CA10: variants seen among roughly 807,000 people sequenced by gnomAD.
The protein encoded by CA10 is carbonic anhydrase 10 (inactive).
Under a neutral mutation model 44.2 loss-of-function variants are expected in CA10, and 14 were observed. That is an observed-to-expected ratio of 0.32 (90% CI 0.21 to 0.50). The LOEUF is 0.50. Among genes scored for constraint, CA10 ranks in the 20% least tolerant of loss-of-function variants. The pLI, the probability that CA10 is intolerant of heterozygous loss-of-function variation, is 0.99. For synonymous variants in CA10, 159 were observed against 141.6 expected, an observed-to-expected ratio of 1.12 and a Z score of -0.87; for missense variants, 350 against 409.7, an observed-to-expected ratio of 0.85 and a Z score of 1.26.
At chr17:51,829,510 C>T (rs902561501) in intron 3 of CA10, among the ~76,000 whole-genome samples, 2 of 152,146 alleles carry the variant, frequency 1.3e-5, no homozygotes, top group Non-Finnish European at 2.9e-5. Context: ...CATGCTAATA[C>T]TTAGGAAAAG....
intron 1 of CA10, among the ~76,000 whole-genome samples, chr17:52,144,992 G>C (rs1989553763): frequency 6.6e-6 from 1 of 152,158 alleles, no homozygotes; most frequent in South Asian, 2.1e-4. Context: ...AGAAACATCA[G>C]AGTTGAGGTT....
Position 51,696,254 on chromosome 17 carries a change from CTT to C in CA10, c.466-42520_466-42519del, listed in dbSNP as rs1915399416. Among the ~76,000 whole-genome samples, 3 of 152,156 alleles carry C rather than the reference CTT, an allele frequency of 2.0e-5. No individual in the cohort carries two copies. In the South Asian group the frequency reaches 6.2e-4, roughly 32 times the overall value. ...TTCAATAGAGTTGGTACCAGCTATC[CTT>C]TGTTTATATGGTAGAATTTGGCTGT... On this transcript the variant is annotated intron_variant, in intron 4 of 8. Transcript: ENST00000451037.
chr17:51,848,524 T>C (rs1203030649), intron 3 of CA10, among the ~76,000 whole-genome samples: 2 of 152,218 alleles, frequency 1.3e-5, no homozygotes, highest in Non-Finnish European at 1.5e-5. Flanking sequence ...CTGTGGAGAA[T>C]GCACATAAGC....
intron 3 of CA10, among the ~76,000 whole-genome samples, chr17:51,907,340 G>A (rs1442791159): frequency 6.6e-6 from 1 of 152,036 alleles, no homozygotes; most frequent in Non-Finnish European, 1.5e-5. Flanking sequence ...GGAAGAGGAA[G>A]GAAGAGGTTG....
At chr17:52,056,405 C>G (rs765129365) in intron 2 of CA10, among the ~76,000 whole-genome samples, 2 of 152,050 alleles carry the variant, frequency 1.3e-5, no homozygotes, top group Non-Finnish European at 1.5e-5. Context: ...GCCCCCTAAC[C>G]TCAGCCATGA....
In CA10 at chr17:51,771,122, C is replaced by CAAAAA. The variant is rs71357854; in HGVS notation, c.280-23309_280-23305dup. On this transcript the variant is annotated intron_variant, in intron 3 of 8. Transcript: ENST00000451037. ...CTGGCGACAGAGTAAGACTCCGTCT[C>CAAAAA]AAAAAAAAAAAAAAAAAAAAAAAAA... is the stretch of plus-strand genomic sequence containing the variant. 2.0e-3 allele frequency among the ~76,000 whole-genome samples: 74 copies of CAAAAA among 37,674 alleles called. 5 individuals are homozygous for CAAAAA. The highest frequency in any genetic ancestry group is 0.024 in the Middle Eastern group (1 of 42). The allele number at this position is 37,674 out of a possible 152,430, so 24.7% of individuals were successfully genotyped here.
chr17:51,978,606 C>T (rs1984543832), intron 2 of CA10, among the ~76,000 whole-genome samples: 1 of 152,032 alleles, frequency 6.6e-6, no homozygotes, highest in East Asian at 1.9e-4. Flanking sequence ...ACAAAAAGAT[C>T]TTTTTGGTCT....
At chr17:52,106,597 C>A (rs1034111835) in intron 1 of CA10, among the ~76,000 whole-genome samples, 2 of 152,130 alleles carry the variant, frequency 1.3e-5, no homozygotes, top group Admixed American at 6.5e-5. Context: ...GATGGAATAG[C>A]AAGCTGCCTG....
chr17:52,053,497 A>C (rs1334247507), intron 2 of CA10, among the ~76,000 whole-genome samples: 1 of 152,014 alleles, frequency 6.6e-6, no homozygotes, highest in African/African-American at 2.4e-5. Flanking sequence ...AAAATACTCA[A>C]ACGGATAAAT....
intron 3 of CA10, chr17:51,748,556 CAATTGA>C: frequency 1.3e-4 from 26 of 205,586 alleles, no homozygotes; most frequent in Non-Finnish European, 1.5e-4. Flanking sequence ...ACCTCAACAA[CAATTGA>C]TTCTAGAACA....
At chr17:51,838,045 AC>A (rs946005126) in intron 3 of CA10, among the ~76,000 whole-genome samples, 4 of 152,226 alleles carry the variant, frequency 2.6e-5, no homozygotes, top group African/African-American at 9.6e-5. Flanking sequence ...GTAATTAATT[AC>A]CTTGTTTAAA....
At chr17:51,685,581 C>T (rs1245269619) in intron 4 of CA10, among the ~76,000 whole-genome samples, 1 of 152,162 alleles carries the variant, frequency 6.6e-6, no homozygotes, top group Non-Finnish European at 1.5e-5. Flanking sequence ...GGACCCAGAT[C>T]ACTGAAGGAC....
At chr17:52,108,753 C>T (rs1461147279) in intron 1 of CA10, among the ~76,000 whole-genome samples, 1 of 143,146 alleles carries the variant, frequency 7.0e-6, no homozygotes, top group Non-Finnish European at 1.5e-5. Context: ...GATTTGAGGA[C>T]TTCGGGGGAA....
chr17:51,645,261 G>T (rs1215132363), intron 6 of CA10, among the ~76,000 whole-genome samples: 1 of 152,168 alleles, frequency 6.6e-6, no homozygotes, highest in African/African-American at 2.4e-5. Context: ...AAGCAATGAG[G>T]CGATCCTTTT....
At position 52,133,247 on chromosome 17, in the gene CA10, T is replaced by C. The variant is rs187683177; in HGVS notation, c.61+24479A>G. 2.2e-3 allele frequency among the ~76,000 whole-genome samples: 334 copies of C among 152,308 alleles called. 1 individual carries two copies. Among genetic ancestry groups the C allele is most frequent in the Admixed American group, 4.8e-3 (73 of 15,302 alleles). On this transcript the variant is annotated intron_variant, in intron 1 of 8. Coordinates refer to ENST00000451037, the MANE Select transcript of CA10 (RefSeq NM_020178.5). ...TGGTGCAAACCTCTAAGGTAAGCCT[T>C]GGAGCCTCCAGCGCCCCAGCGGTGG... is the stretch of plus-strand genomic sequence containing the variant.
chr17:52,125,465 G>C (rs1326571916), intron 1 of CA10, among the ~76,000 whole-genome samples: 1 of 152,164 alleles, frequency 6.6e-6, no homozygotes, highest in African/African-American at 2.4e-5. Context: ...TGCACAGTAG[G>C]CCTAAGAGCC....
intron 1 of CA10, among the ~76,000 whole-genome samples, chr17:52,087,424 G>A (rs1363309281): frequency 6.6e-6 from 1 of 152,208 alleles, no homozygotes; most frequent in Non-Finnish European, 1.5e-5. Context: ...TTACAGATGT[G>A]AGCCACCGCA....
chr17:51,831,930 C>T (rs1908296079), intron 3 of CA10, among the ~76,000 whole-genome samples: 1 of 152,142 alleles, frequency 6.6e-6, no homozygotes, highest in Admixed American at 6.5e-5. Context: ...AGATAGGCAA[C>T]TGATGCCTAC....
intron 2 of CA10, among the ~76,000 whole-genome samples, chr17:51,940,679 C>CA (rs11350422): frequency 0.021 from 2,892 of 136,974 alleles, 28 homozygotes; most frequent in African/African-American, 0.034. Context: ...TCAAGATAAA[C>CA]AAAAAAAAAA....
Sources: gnomAD v4.1 joint callset for allele counts (sites outside exome capture counted in the v4.1 genomes callset) on GRCh38, gnomAD v4.1.1 for gene constraint, MANE v1.5 for transcripts, NCBI Gene and HGNC (gene_info 2026-07-23, HGNC 2026-07-21) for gene names.